Variants in AGBL4 observed in about 807,000 individuals in gnomAD.
AGBL4 encodes AGBL carboxypeptidase 4, also known as cytosolic carboxypeptidase 6.
A neutral mutation model predicts 66.4 loss-of-function variants in AGBL4; 58 were observed. The observed-to-expected ratio is 0.87, with a 90% CI of 0.71 to 1.09. The LOEUF (loss-of-function observed/expected upper bound fraction) is 1.09. Among genes scored for constraint, AGBL4 ranks in the 50% least tolerant of loss-of-function variants. The pLI is 0.00. For missense variants in AGBL4, 579 were observed against 631.0 expected, an observed-to-expected ratio of 0.92 and a Z score of 0.88; for synonymous variants, 234 against 222.9, an observed-to-expected ratio of 1.05 and a Z score of -0.44.
chr1:49,063,488 G>C (rs1644438317), intron 4 of AGBL4, among the ~76,000 whole-genome samples: 23 of 152,304 alleles, frequency 1.5e-4, no homozygotes, highest in Admixed American at 7.2e-4. Flanking sequence ...TTTAGAAGCA[G>C]AGCTTAAGAA....
At chr1:49,226,871 A>G (rs1649952143) in intron 4 of AGBL4, among the ~76,000 whole-genome samples, 1 of 152,216 alleles carries the variant, frequency 6.6e-6, no homozygotes, top group South Asian at 2.1e-4. Flanking sequence ...ATAGCAAATT[A>G]TCTCTCACAG....
intron 3 of AGBL4, among the ~76,000 whole-genome samples, chr1:49,465,070 A>C (rs913759997): frequency 6.6e-6 from 1 of 151,696 alleles, no homozygotes; most frequent in African/African-American, 2.4e-5. Context: ...CCTTAAACCA[A>C]ACAAAGTAGA....
intron 6 of AGBL4, among the ~76,000 whole-genome samples, chr1:48,819,837 A>G (rs569009048): frequency 6.6e-6 from 1 of 152,312 alleles, no homozygotes; most frequent in East Asian, 1.9e-4. Context: ...TTTTGCTCAC[A>G]CACATCCAGT....
At chr1:49,839,410 A>G (rs1645932913) in intron 2 of AGBL4, among the ~76,000 whole-genome samples, 1 of 152,154 alleles carries the variant, frequency 6.6e-6, no homozygotes, top group Non-Finnish European at 1.5e-5. Flanking sequence ...TTTTCCTCCT[A>G]AATGTCCTAT....
chr1:49,070,216 C>T (rs920973610), intron 4 of AGBL4, among the ~76,000 whole-genome samples: 3 of 151,782 alleles, frequency 2.0e-5, no homozygotes, highest in Non-Finnish European at 4.4e-5. Context: ...TATTGAATAC[C>T]CTTTATTTCT....
intron 1 of AGBL4, among the ~76,000 whole-genome samples, chr1:50,019,629 G>C (rs1662291149): frequency 1.3e-5 from 2 of 151,970 alleles, no homozygotes; most frequent in African/African-American, 4.8e-5. Context: ...TTCACAGAGA[G>C]TGATAAAGGT....
intron 5 of AGBL4, among the ~76,000 whole-genome samples, chr1:49,011,196 C>G (rs1198981725): frequency 6.6e-6 from 1 of 151,814 alleles, no homozygotes; most frequent in East Asian, 1.9e-4. Flanking sequence ...AAAAAACAAA[C>G]AACCCCATCA....
intron 1 of AGBL4, among the ~76,000 whole-genome samples, chr1:49,895,795 C>A (rs1649138214): frequency 6.6e-6 from 1 of 151,024 alleles, no homozygotes. Flanking sequence ...AGAAACACAG[C>A]AAGGAAAAAG....
intron 1 of AGBL4, among the ~76,000 whole-genome samples, chr1:50,007,103 G>C (rs1418360578): frequency 6.6e-6 from 1 of 151,998 alleles, no homozygotes; most frequent in Non-Finnish European, 1.5e-5. Context: ...GTTTTTATTA[G>C]TTTTTCTCTT....
chr1:49,573,635 T>C (rs962688409), intron 3 of AGBL4, among the ~76,000 whole-genome samples: 5 of 152,180 alleles, frequency 3.3e-5, no homozygotes, highest in Non-Finnish European at 5.9e-5. Flanking sequence ...TCTGCTAAGA[T>C]TGCCCTGAGT....
intron 3 of AGBL4, among the ~76,000 whole-genome samples, chr1:49,404,890 T>G (rs1645163529): frequency 6.6e-6 from 1 of 152,210 alleles, no homozygotes; most frequent in Non-Finnish European, 1.5e-5. Context: ...TTGAATCATG[T>G]AGAACCAGAG....
intron 3 of AGBL4, among the ~76,000 whole-genome samples, chr1:49,441,676 G>A (rs1646034362): frequency 6.6e-6 from 1 of 152,154 alleles, no homozygotes; most frequent in East Asian, 1.9e-4. Context: ...ATCTCACAGT[G>A]GGAACCACAG....
At chr1:49,219,151 T>C (rs1649304882) in intron 4 of AGBL4, among the ~76,000 whole-genome samples, 1 of 152,162 alleles carries the variant, frequency 6.6e-6, no homozygotes, top group African/African-American at 2.4e-5. Context: ...CAGAAGCCCA[T>C]CCAGTACTAC....
chr1:49,252,128 T>C (rs777550182), intron 3 of AGBL4, among the ~76,000 whole-genome samples: 19 of 152,144 alleles, frequency 1.2e-4, no homozygotes, highest in Admixed American at 4.6e-4. Flanking sequence ...AAGGAGTACA[T>C]TGAAACCCAA....
chr1:48,840,925 G>A (rs537059292), intron 6 of AGBL4, among the ~76,000 whole-genome samples: 20 of 147,138 alleles, frequency 1.4e-4, no homozygotes, highest in African/African-American at 4.6e-4. Context: ...ACAAGTCTAA[G>A]GAATTGTAAG....
At chr1:49,744,513 C>T (rs1230674895) in intron 2 of AGBL4, among the ~76,000 whole-genome samples, 2 of 151,766 alleles carry the variant, frequency 1.3e-5, no homozygotes, top group African/African-American at 2.4e-5. Flanking sequence ...GACCAATACA[C>T]TAGCAAATCA....
intron 3 of AGBL4, among the ~76,000 whole-genome samples, chr1:49,285,652 A>G (rs1644387352): frequency 6.6e-6 from 1 of 152,236 alleles, no homozygotes; most frequent in Non-Finnish European, 1.5e-5. Context: ...AAAAGAGAGA[A>G]GAATCAAATA....
intron 6 of AGBL4, among the ~76,000 whole-genome samples, chr1:48,715,964 A>G (rs991527146): frequency 6.6e-6 from 1 of 152,178 alleles, no homozygotes; most frequent in African/African-American, 2.4e-5. Flanking sequence ...ACATCCCTTG[A>G]GGAACTGCAG....
intron 3 of AGBL4, among the ~76,000 whole-genome samples, chr1:49,586,383 A>G (rs1644647604): frequency 6.6e-6 from 1 of 152,216 alleles, no homozygotes. Context: ...CAGTCTATCA[A>G]GACAACTTTT....
Sources: gnomAD v4.1 joint callset for allele counts (sites outside exome capture counted in the v4.1 genomes callset) on GRCh38, gnomAD v4.1.1 for gene constraint, MANE v1.5 for transcripts, NCBI Gene and HGNC (gene_info 2026-07-23, HGNC 2026-07-21) for gene names.